The following IGSF9 variants were observed in gnomAD, a reference collection of about 807,000 sequenced individuals.
IGSF9 encodes the protein protein turtle homolog A.
A neutral mutation model predicts 121.7 loss-of-function variants in IGSF9; 87 were observed. That is an observed-to-expected ratio of 0.71 (90% CI 0.60 to 0.85). The LOEUF is 0.85. IGSF9 is among the 40% of genes least tolerant of loss of function. IGSF9 has a pLI of 0.00. For missense variants in IGSF9, 1,462 were observed against 1,565.3 expected (o/e 0.93, Z 1.11); for synonymous variants, 640 against 648.4 (o/e 0.99, Z 0.20).
In IGSF9 at chr1:159,927,611, C is replaced by T. The variant is rs931604058; in HGVS notation, c.3359-85G>A. On this transcript the variant is annotated intron_variant, in intron 20 of 20. Coordinates refer to ENST00000368094, the MANE Select transcript of IGSF9 (RefSeq NM_001135050.2). The stretch of plus-strand genomic sequence containing the variant: ...AGATGTGAAGCTCGCTAGGCCCTTC[C>T]AGTACAGATGGCCCAAGGGGGCAAG... The T allele has an allele frequency of 9.7e-6, 15 of 1,546,696 alleles. No individual in the cohort carries two copies. In the East Asian group the frequency reaches 3.4e-4, roughly 35 times the overall value.
chr1:159,935,045 G>A (rs181886308), intron 6 of IGSF9, among the ~76,000 whole-genome samples: 229 of 152,300 alleles, frequency 1.5e-3, no homozygotes, highest in Non-Finnish European at 2.6e-3. Context: ...TCCATCAAGA[G>A]CAACTCCATT....
chr1:159,929,877 C>T lies in IGSF9; in HGVS notation c.2149+14G>A, dbSNP rs1409215079. Reference sequence around the variant, plus strand: ...GAGCAGCCCTGGGGCTCCTCCCTCACGCCAGGTGCTCACCGGAAGTGGAGA... The same window carrying T: ...GAGCAGCCCTGGGGCTCCTCCCTCATGCCAGGTGCTCACCGGAAGTGGAGA... On this transcript the variant is annotated intron_variant, in intron 16 of 20. Coordinates refer to ENST00000368094, the MANE Select transcript of IGSF9 (RefSeq NM_001135050.2). The T allele has an allele frequency of 1.3e-6, 2 of 1,577,296 alleles. No individual in the cohort carries two copies. Among genetic ancestry groups the T allele is most frequent in the Admixed American group, 3.7e-5 (2 of 54,396 alleles).
rs779768909 is a variant in IGSF9, at chr1:159,932,569, G to T, written c.1188C>A (p.Thr396=). ...CGGCGGTACCAAGACTGTTGTAGGG[G>T]GTGCAGGAGTATTCTCCCAGGGCAT... The part of the protein sequence containing the change: ...NEDALGEYSC[T]PYNSLGTAGP... Residue 396 remains threonine (T), a synonymous_variant, in exon 10 of 21, where the codon ACC becomes ACA. Transcript: ENST00000368094. The surrounding 1 kb of genome is among the most constrained non-coding windows in gnomAD (Gnocchi z 4.1). 2 of 1,613,952 alleles carry T rather than the reference G, an allele frequency of 1.2e-6. No homozygotes were observed. The highest frequency in any genetic ancestry group is 3.3e-5 in the Admixed American group (2 of 59,992).
chr1:159,943,121 A>AC lies in IGSF9; in HGVS notation c.88dup (p.Val30GlyfsTer13). ...CACCACACTCTCCCCAGCCCGGCCC[A>AC]CCACCGATACCACCTCAGGCTTCCC... is the stretch of plus-strand genomic sequence containing the variant. On this transcript the variant is annotated frameshift_variant, in exon 3 of 21. Coordinates refer to ENST00000368094, the MANE Select transcript of IGSF9 (RefSeq NM_001135050.2). LOFTEE classifies it high-confidence loss of function. The AC allele has an allele frequency of 6.3e-7, 1 of 1,596,296 alleles. No individual in the cohort carries two copies. The highest frequency in any genetic ancestry group is 8.5e-7 in the Non-Finnish European group (1 of 1,174,352).
intron 6 of IGSF9, among the ~76,000 whole-genome samples, chr1:159,935,198 C>T (rs1651141858): frequency 6.6e-6 from 1 of 152,120 alleles, no homozygotes; most frequent in Non-Finnish European, 1.5e-5. Flanking sequence ...AATACCTCAC[C>T]TCAAGATGCT....
intron 2 of IGSF9, 27 bp downstream of exon 2, chr1:159,943,370 A>G (rs1223049372): frequency 6.5e-7 from 1 of 1,544,986 alleles, no homozygotes. Context: ...CTAACAGGGC[A>G]TTCTTGAGCC....
At chr1:159,942,349 C>T (rs1428135786) in intron 3 of IGSF9, among the ~76,000 whole-genome samples, 2 of 152,194 alleles carry the variant, frequency 1.3e-5, no homozygotes, top group African/African-American at 2.4e-5. Context: ...CAGTCACTGA[C>T]CTTTGGGGAT....
chr1:159,942,966 C>T lies in IGSF9; in HGVS notation c.244G>A (p.Val82Met), dbSNP rs113355407. The T allele has an allele frequency of 4.5e-5, 72 of 1,612,380 alleles. No homozygotes were observed. The highest frequency in any genetic ancestry group is 8.0e-5 in the African/African-American group (6 of 74,836). ...LYSPRIDPDY[V>M]GRVRLQKGAS... ...CCCACCTGAGGAGAACTCTTACCCACGTAATCAGGGTCAATTCGGGGAGAG... is the reference window on the plus strand; with the variant it reads ...CCCACCTGAGGAGAACTCTTACCCATGTAATCAGGGTCAATTCGGGGAGAG... Residue 82 changes from valine (V) to methionine (M), a missense_variant, in exon 3 of 21, where the codon GTG becomes ATG. By Grantham distance (21) the Val-to-Met change is conservative. Coordinates refer to ENST00000368094, the MANE Select transcript of IGSF9 (RefSeq NM_001135050.2).
intron 3 of IGSF9, among the ~76,000 whole-genome samples, chr1:159,940,391 G>A (rs912519721): frequency 2.0e-4 from 31 of 152,196 alleles, no homozygotes; most frequent in African/African-American, 6.8e-4. Context: ...CAGGAAGATC[G>A]CCAGCAGGGC....
chr1:159,936,405 C>T lies in IGSF9; in HGVS notation c.667G>A (p.Val223Met). 1 of 1,613,586 alleles carries T rather than the reference C, an allele frequency of 6.2e-7. No homozygotes were observed. The highest frequency in any genetic ancestry group is 1.7e-4 in the Middle Eastern group (1 of 6,058). Residue 223 changes from valine (V) to methionine (M), a missense_variant, in exon 6 of 21, where the codon GTG becomes ATG. Coordinates refer to ENST00000368094, the MANE Select transcript of IGSF9 (RefSeq NM_001135050.2). ...CCCTCCCGCCAGAGAGCACCTAGCA[C>T]TAGCAGCTGGGTGGCGTGGGTGGCG... ...GSATHATQLL[V>M]LGPPVIVVPP...
Position 159,927,088 on chromosome 1 carries a change from A to G in IGSF9, c.*257T>C, listed in dbSNP as rs1338411363. On this transcript the variant is annotated 3_prime_UTR_variant, in exon 21 of 21. Coordinates refer to ENST00000368094, the MANE Select transcript of IGSF9 (RefSeq NM_001135050.2). ...CCTGTAAAAAACTTCACACACACAC[A>G]CACACACACAGAGAGAGAGAGAGAG... 3.7e-6 allele frequency: 2 copies of G among 535,540 alleles called. No homozygotes were observed. The highest frequency in any genetic ancestry group is 7.0e-5 in the Admixed American group (2 of 28,676). 33.2% of individuals were successfully genotyped at this position (535,540 alleles called of 1,614,324 possible). A position where few individuals can be genotyped will look rare whatever the true frequency, so the allele number is the denominator to read the frequency against.
At chr1:159,936,277 T>G (rs1472870884) in intron 6 of IGSF9, 122 bp downstream of exon 6, 1 of 852,772 alleles carries the variant, frequency 1.2e-6, no homozygotes, top group Non-Finnish European at 1.9e-6. Context: ...CCCCCTTAGC[T>G]TCCACGGGCC....
Position 159,927,437 on chromosome 1 carries a change from G to C in IGSF9, c.3448C>G (p.Leu1150Val), listed in dbSNP as rs1271496992. ...ARCAALREEF[L>V]AFRRRRDATR... The stretch of plus-strand genomic sequence containing the variant: ...GCATCTCGGCGGCGGCGGAAGGCCA[G>C]GAATTCCTCCCGAAGGGCAGCACAG... The change falls in exon 21 of 21, where the codon CTG (leucine) becomes GTG (valine). Residue 1150 changes from leucine to valine, a missense_variant. Coordinates refer to ENST00000368094, the MANE Select transcript of IGSF9 (RefSeq NM_001135050.2). 6.2e-7 allele frequency: 1 copy of C among 1,614,154 alleles called. No homozygotes were observed. Among genetic ancestry groups the C allele is most frequent in the South Asian group, 1.1e-5 (1 of 91,084 alleles).
rs1326364416 is a variant in IGSF9, at chr1:159,931,210, C to T, written c.1565G>A (p.Gly522Asp). 3 of 1,614,116 alleles carry T rather than the reference C, an allele frequency of 1.9e-6. No homozygotes were observed. The highest frequency in any genetic ancestry group is 2.5e-6 in the Non-Finnish European group (3 of 1,180,004). ...TNVSVVALPK[G>D]ANVSWEPGFD... ...GCCAGGCTCCCAGGAGACATTGGCA[C>T]CCTTGGGCAAAGCCACCACGGACAC... Residue 522 changes from glycine to aspartate, a missense_variant, in exon 13 of 21, where the codon GGT (glycine) becomes GAT (aspartate). By Grantham distance (94) the Gly-to-Asp change is moderately conservative. Coordinates refer to ENST00000368094, the MANE Select transcript of IGSF9 (RefSeq NM_001135050.2). This position sits in a 1 kb window ranked among gnomAD's most constrained non-coding sequence, Gnocchi z 4.8.
intron 3 of IGSF9, among the ~76,000 whole-genome samples, chr1:159,940,555 G>A (rs1164489072): frequency 6.6e-6 from 1 of 152,190 alleles, no homozygotes; most frequent in Non-Finnish European, 1.5e-5. Context: ...TCGGAAGGCA[G>A]GGAACCCACA....
chr1:159,939,312 C>T (rs1279474097), intron 3 of IGSF9, among the ~76,000 whole-genome samples: 1 of 152,174 alleles, frequency 6.6e-6, no homozygotes, highest in Non-Finnish European at 1.5e-5. Flanking sequence ...ACTGCAGCCT[C>T]GAACTCCTGG....
Position 159,943,538 on chromosome 1 carries a change from AG to A in IGSF9, c.-85del. On this transcript the variant is annotated 5_prime_UTR_variant, in exon 2 of 21. Coordinates refer to ENST00000368094, the MANE Select transcript of IGSF9 (RefSeq NM_001135050.2). ...CAAGGGATGTCCTTCTGATCAGCTCAGGGAACAGGTTTCAGCTCTCACTCTT... is the reference window on the plus strand; with the variant it reads ...CAAGGGATGTCCTTCTGATCAGCTCAGGAACAGGTTTCAGCTCTCACTCTT... The A allele has an allele frequency of 7.5e-7, 1 of 1,328,018 alleles. No individual in the cohort carries two copies. 82.3% of individuals were successfully genotyped at this position (1,328,018 alleles called of 1,614,324 possible).
rs1482446000 is a variant in IGSF9, at chr1:159,932,734, G to A, written c.1105-82C>T. ...GATGGCAGTACAAGAGAGGGGGCAG[G>A]ATGAGAAACCCACAGCTGTGCAGAA... On this transcript the variant is annotated intron_variant, in intron 9 of 20. Transcript: ENST00000368094. The surrounding 1 kb of genome is among the most constrained non-coding windows in gnomAD (Gnocchi z 4.1). 6 of 1,413,498 alleles carry A rather than the reference G, an allele frequency of 4.2e-6. No homozygotes were observed. Among genetic ancestry groups the A allele is most frequent in the African/African-American group, 1.4e-5 (1 of 69,904 alleles). The allele number at this position is 1,413,498 out of a possible 1,614,324, so 87.6% of individuals were successfully genotyped here. A position where few individuals can be genotyped will look rare whatever the true frequency, so the allele number is the denominator to read the frequency against.
chr1:159,928,166 G>A lies in IGSF9; in HGVS notation c.3222C>T (p.Val1074=). 1 of 1,607,538 alleles carries A rather than the reference G, an allele frequency of 6.2e-7. No individual in the cohort carries two copies. The highest frequency in any genetic ancestry group is 1.7e-5 in the Admixed American group (1 of 60,002). The change falls in exon 19 of 21, where the codon GTC becomes GTT. Residue 1074 remains valine (V), a synonymous_variant. Transcript: ENST00000368094. ...GCAGGGACTGCTCTCACCTCTTGCTGACTGTCACCACATGCTCCCTTCGGG... is the reference window on the plus strand; with the variant it reads ...GCAGGGACTGCTCTCACCTCTTGCTAACTGTCACCACATGCTCCCTTCGGG... ...RWPRREHVVT[V]SKRRNTSVDE...
Sources: allele counts gnomAD v4.1 joint callset (sites outside exome capture counted in the v4.1 genomes callset), GRCh38; gene constraint gnomAD v4.1.1; non-coding constraint Gnocchi (gnomAD v3.1); transcripts MANE v1.5; gene names NCBI Gene and HGNC (gene_info 2026-07-23, HGNC 2026-07-21).